LRRC4C: variants seen among roughly 807,000 people sequenced by gnomAD.
LRRC4C encodes leucine-rich repeat-containing protein 4C.
In LRRC4C, 5 loss-of-function variants were observed where a neutral mutation model predicts 33.6. That is an observed-to-expected ratio of 0.15 (90% CI 0.08 to 0.31). LRRC4C has a LOEUF of 0.31. Among genes scored for constraint, LRRC4C ranks in the 10% least tolerant of loss-of-function variants. The probability of loss-of-function intolerance (pLI) is 1.00; values close to 1 mark genes in which losing one functional copy is unlikely to be tolerated. For synonymous variants in LRRC4C, 329 were observed against 302.0 expected (o/e 1.09, Z -0.93); for missense variants, 560 against 796.7 (o/e 0.70, Z 3.58).
At chr11:41,182,000 G>T (rs1247067736) in intron 1 of LRRC4C, among the ~76,000 whole-genome samples, 1 of 152,126 alleles carries the variant, frequency 6.6e-6, no homozygotes. Context: ...TTACAGTGAT[G>T]ATTTCAGTAT....
chr11:40,310,835 A>AT (rs1945269891), intron 4 of LRRC4C, among the ~76,000 whole-genome samples: 1 of 152,208 alleles, frequency 6.6e-6, no homozygotes, highest in Admixed American at 6.5e-5. Context: ...ATAACTATAT[A>AT]TTATCTCATT....
intron 3 of LRRC4C, among the ~76,000 whole-genome samples, chr11:40,639,062 A>C (rs1463316947): frequency 6.6e-6 from 1 of 151,468 alleles, no homozygotes; most frequent in Non-Finnish European, 1.5e-5. Flanking sequence ...CCTGGTTTTT[A>C]TTTCCTATCG....
chr11:40,218,386 A>C (rs999493727), intron 5 of LRRC4C, among the ~76,000 whole-genome samples: 2 of 152,180 alleles, frequency 1.3e-5, no homozygotes, highest in African/African-American at 4.8e-5. Flanking sequence ...AATGTTGCTC[A>C]ATGTGATGGG....
intron 1 of LRRC4C, among the ~76,000 whole-genome samples, chr11:40,986,269 G>A (rs892221808): frequency 3.3e-5 from 5 of 152,134 alleles, no homozygotes; most frequent in Admixed American, 6.5e-5. Context: ...TGACTCATGA[G>A]TTTAAAAGGT....
intron 3 of LRRC4C, among the ~76,000 whole-genome samples, chr11:40,342,249 T>A (rs1946901162): frequency 6.6e-6 from 1 of 152,162 alleles, no homozygotes; most frequent in South Asian, 2.1e-4. Context: ...GGTGGGTGGA[T>A]CATGAGGTCA....
At chr11:40,444,052 C>G (rs1377361561) in intron 3 of LRRC4C, among the ~76,000 whole-genome samples, 1 of 152,098 alleles carries the variant, frequency 6.6e-6, no homozygotes, top group African/African-American at 2.4e-5. Context: ...TTTAGGGATG[C>G]CTTACAGGGG....
chr11:40,501,878 C>A (rs1954792376), intron 3 of LRRC4C, among the ~76,000 whole-genome samples: 1 of 152,190 alleles, frequency 6.6e-6, no homozygotes, highest in Non-Finnish European at 1.5e-5. Context: ...TCTCTTCTAT[C>A]CTATTGTCAG....
intron 1 of LRRC4C, among the ~76,000 whole-genome samples, chr11:41,440,609 T>G (rs892627182): frequency 1.3e-5 from 2 of 152,160 alleles, no homozygotes; most frequent in Non-Finnish European, 2.9e-5. Context: ...TCTATTGGAC[T>G]GATATGGTTT....
intron 1 of LRRC4C, among the ~76,000 whole-genome samples, chr11:41,336,121 A>T (rs1037013359): frequency 6.6e-6 from 1 of 152,202 alleles, no homozygotes; most frequent in Admixed American, 6.5e-5. Context: ...ATTAGTTTAG[A>T]TGAAGTCTTT....
chr11:41,245,945 GT>G (rs1565514138), intron 1 of LRRC4C, among the ~76,000 whole-genome samples: 8 of 152,124 alleles, frequency 5.3e-5, no homozygotes, highest in African/African-American at 1.9e-4. Context: ...GAGAGGGAGT[GT>G]GTGCTGATTG....
chr11:40,234,098 G>C (rs964373767), intron 5 of LRRC4C, among the ~76,000 whole-genome samples: 7 of 152,146 alleles, frequency 4.6e-5, no homozygotes, highest in African/African-American at 1.7e-4. Flanking sequence ...AAATAAAGCT[G>C]TCTGATCTGG....
chr11:40,694,361 T>G (rs1028840663), intron 2 of LRRC4C, among the ~76,000 whole-genome samples: 6 of 152,176 alleles, frequency 3.9e-5, no homozygotes, highest in Non-Finnish European at 7.3e-5. Context: ...CTATTTCGTT[T>G]TTACCCTCTG....
intron 1 of LRRC4C, among the ~76,000 whole-genome samples, chr11:41,334,035 T>A (rs909568923): frequency 1.1e-4 from 16 of 152,200 alleles, no homozygotes; most frequent in Non-Finnish European, 5.9e-5. Flanking sequence ...TTACTCCCTC[T>A]GGCTTATTTA....
chr11:40,392,619 CT>C (rs946596110), intron 3 of LRRC4C, among the ~76,000 whole-genome samples: 2 of 152,034 alleles, frequency 1.3e-5, no homozygotes, highest in African/African-American at 4.8e-5. Flanking sequence ...TTCCTACTAT[CT>C]GATAGCTGTC....
At chr11:40,194,782 A>G (rs1473937014) in intron 5 of LRRC4C, among the ~76,000 whole-genome samples, 1 of 152,182 alleles carries the variant, frequency 6.6e-6, no homozygotes, top group East Asian at 1.9e-4. Context: ...CAAAAAATCT[A>G]TAGATTATTA....
At chr11:40,874,739 C>T (rs531483748) in intron 2 of LRRC4C, among the ~76,000 whole-genome samples, 4 of 152,164 alleles carry the variant, frequency 2.6e-5, no homozygotes, top group Non-Finnish European at 4.4e-5. Context: ...TATAGAGATT[C>T]GGGTTCACTG....
At chr11:40,476,627 A>C (rs1371770280) in intron 3 of LRRC4C, among the ~76,000 whole-genome samples, 2 of 152,086 alleles carry the variant, frequency 1.3e-5, no homozygotes, top group African/African-American at 4.8e-5. Context: ...TACAGGCGTA[A>C]GCCACCACGC....
chr11:40,281,227 C>G (rs1943453469), intron 4 of LRRC4C, among the ~76,000 whole-genome samples: 1 of 151,662 alleles, frequency 6.6e-6, no homozygotes, highest in African/African-American at 2.4e-5. Context: ...GATGTTAACT[C>G]TTTTAGGGTG....
chr11:40,633,578 A>C (rs1963704874), intron 3 of LRRC4C, among the ~76,000 whole-genome samples: 1 of 151,564 alleles, frequency 6.6e-6, no homozygotes, highest in African/African-American at 2.4e-5. Context: ...TAGTAGAGAC[A>C]GGGTTTCACC....
Sources: gnomAD v4.1 joint callset for allele counts (sites outside exome capture counted in the v4.1 genomes callset) on GRCh38, gnomAD v4.1.1 for gene constraint, MANE v1.5 for transcripts, NCBI Gene and HGNC (gene_info 2026-07-23, HGNC 2026-07-21) for gene names.